Variants in TMEM135 observed in about 807,000 individuals in gnomAD.
TMEM135 encodes the protein peroxisomal membrane protein 52.
TMEM135 carries 30 observed loss-of-function variants against 60.3 expected under a neutral mutation model. That is an observed-to-expected ratio of 0.50 (90% CI 0.37 to 0.68). The LOEUF is 0.68. Among genes scored for constraint, TMEM135 ranks in the 30% least tolerant of loss-of-function variants. TMEM135 has a pLI of 0.00. For missense variants in TMEM135, 468 were observed against 548.8 expected (o/e 0.85, Z 1.47); for synonymous variants, 190 against 186.7 (o/e 1.02, Z -0.14).
chr11:87,058,635 T>G (rs1949916396), intron 1 of TMEM135, among the ~76,000 whole-genome samples: 1 of 152,126 alleles, frequency 6.6e-6, no homozygotes, highest in Admixed American at 6.6e-5. Context: ...TTTTATTTTA[T>G]TTTTGACAGA....
intron 4 of TMEM135, among the ~76,000 whole-genome samples, chr11:87,138,689 A>G (rs900619234): frequency 2.0e-5 from 3 of 152,216 alleles, no homozygotes; most frequent in Admixed American, 6.5e-5. Flanking sequence ...ACTATATAGT[A>G]TGATACATTG....
chr11:87,098,854 A>T (rs1169139065), intron 4 of TMEM135, among the ~76,000 whole-genome samples: 3 of 151,886 alleles, frequency 2.0e-5, no homozygotes, highest in African/African-American at 4.8e-5. Flanking sequence ...ACGCCCGGCT[A>T]ATTTTTTGTA....
intron 5 of TMEM135, among the ~76,000 whole-genome samples, chr11:87,169,546 C>G (rs1591073665): frequency 6.6e-6 from 1 of 151,888 alleles, no homozygotes; most frequent in Admixed American, 6.6e-5. Context: ...GATTTTATTT[C>G]TTTTTCGCTT....
intron 1 of TMEM135, among the ~76,000 whole-genome samples, chr11:87,042,771 C>T (rs369870347): frequency 4.6e-5 from 7 of 151,370 alleles, no homozygotes; most frequent in African/African-American, 9.8e-5. Context: ...TTGTTCTATA[C>T]ATTTGCCCTC....
intron 6 of TMEM135, among the ~76,000 whole-genome samples, chr11:87,250,924 G>T (rs565126973): frequency 6.6e-6 from 1 of 152,284 alleles, no homozygotes; most frequent in Non-Finnish European, 1.5e-5. Context: ...CAGTTATCCA[G>T]CAGAGAAATG....
intron 5 of TMEM135, among the ~76,000 whole-genome samples, chr11:87,177,856 G>A (rs1020400405): frequency 1.3e-5 from 2 of 152,120 alleles, no homozygotes; most frequent in African/African-American, 4.8e-5. Context: ...TAAAATTGGA[G>A]ATTCCCAAAT....
intron 4 of TMEM135, among the ~76,000 whole-genome samples, chr11:87,104,150 G>T: frequency 6.6e-6 from 1 of 152,188 alleles, no homozygotes; most frequent in African/African-American, 2.4e-5. Context: ...TTTGCAAGTA[G>T]ATATCCAGTT....
intron 4 of TMEM135, among the ~76,000 whole-genome samples, chr11:87,120,361 C>T (rs1442635641): frequency 6.6e-6 from 1 of 151,436 alleles, no homozygotes; most frequent in Non-Finnish European, 1.5e-5. Flanking sequence ...TCACTTTGGC[C>T]TCTCAAAACT....
At chr11:87,135,720 AG>A (rs143797336) in intron 4 of TMEM135, among the ~76,000 whole-genome samples, 15,556 of 151,972 alleles carry the variant, frequency 0.1, 819 homozygotes, top group African/African-American at 0.12. Flanking sequence ...TGACTGTTGT[AG>A]GTCCTTTGCA....
intron 1 of TMEM135, among the ~76,000 whole-genome samples, chr11:87,058,574 A>G (rs942744299): frequency 6.6e-6 from 1 of 151,836 alleles, no homozygotes; most frequent in East Asian, 1.9e-4. Flanking sequence ...CAAGTGATCC[A>G]CCCGCCTTGG....
chr11:87,235,400 A>T (rs1940974778), intron 5 of TMEM135, among the ~76,000 whole-genome samples: 1 of 151,740 alleles, frequency 6.6e-6, no homozygotes, highest in South Asian at 2.1e-4. Context: ...ATTGATAACA[A>T]TCCTCTTTTT....
At chr11:87,156,356 T>G (rs1938695231) in intron 4 of TMEM135, among the ~76,000 whole-genome samples, 1 of 152,156 alleles carries the variant, frequency 6.6e-6, no homozygotes, top group African/African-American at 2.4e-5. Flanking sequence ...CCCTTAACGT[T>G]CTATATGAAT....
In TMEM135 at chr11:87,049,919, A is replaced by C. The variant is rs1949826843; in HGVS notation, c.141+11733A>C. Among the ~76,000 whole-genome samples the C allele has an allele frequency of 2.0e-5, 2 of 102,548 alleles. 1 individual carries two copies. The highest frequency in any genetic ancestry group is 3.8e-5 in the Non-Finnish European group (2 of 52,250). The allele number at this position is 102,548 out of a possible 152,430, so 67.3% of individuals were successfully genotyped here. A position where few individuals can be genotyped will look rare whatever the true frequency, so the allele number is the denominator to read the frequency against. ...AAAATTGACCACATAGTTGGAAGTA[A>C]AGCTCTCCTCAGCAAATGTAAAAGA... On this transcript the variant is annotated intron_variant, in intron 1 of 14. Transcript: ENST00000305494.
chr11:87,097,004 T>C (rs868556202), intron 4 of TMEM135, among the ~76,000 whole-genome samples: 7 of 151,622 alleles, frequency 4.6e-5, no homozygotes, highest in Non-Finnish European at 8.8e-5. Context: ...GCCACTCTTT[T>C]TTTTTTTTTC....
rs1565482054 is a variant in TMEM135 at position 87,195,312 on chromosome 11, T to TC, written c.462+37907dup. On this transcript the variant is annotated intron_variant, in intron 5 of 14. Transcript: ENST00000305494. Reference sequence around the variant, plus strand: ...GAAAAAGTCATTTTCTCTTTCTTTCTCTTTCCTTCCTTCCTTCCTTCCTTC... The same window carrying TC: ...GAAAAAGTCATTTTCTCTTTCTTTCTCCTTTCCTTCCTTCCTTCCTTCCTTC... Among the ~76,000 whole-genome samples, 105 of 122,960 alleles carry TC rather than the reference T, an allele frequency of 8.5e-4. 5 individuals carry two copies. The highest frequency in any genetic ancestry group is 2.6e-3 in the African/African-American group (74 of 28,892). The allele number at this position is 122,960 out of a possible 152,430, so 80.7% of individuals were successfully genotyped here.
At chr11:87,289,917 TATA>T in intron 6 of TMEM135, among the ~76,000 whole-genome samples, 1 of 152,296 alleles carries the variant, frequency 6.6e-6, no homozygotes, top group Middle Eastern at 3.4e-3. Flanking sequence ...TTTCACTGAG[TATA>T]ATGTCTTCCA....
chr11:87,141,202 A>G (rs1219312379), intron 4 of TMEM135, among the ~76,000 whole-genome samples: 1 of 151,878 alleles, frequency 6.6e-6, no homozygotes, highest in Non-Finnish European at 1.5e-5. Context: ...ATAATATTAA[A>G]TCTCTGTTTA....
intron 1 of TMEM135, among the ~76,000 whole-genome samples, chr11:87,056,074 A>G (rs539081011): frequency 1.3e-5 from 2 of 152,318 alleles, no homozygotes; most frequent in South Asian, 2.1e-4. Context: ...GCTCTGCTAC[A>G]AGGGTTTGTG....
intron 6 of TMEM135, among the ~76,000 whole-genome samples, chr11:87,289,209 C>G (rs528264479): frequency 2.2e-4 from 33 of 152,146 alleles, no homozygotes; most frequent in African/African-American, 7.5e-4. Flanking sequence ...TGGGAGTATA[C>G]AGTGATGTTT....
Sources: allele counts gnomAD v4.1 joint callset (sites outside exome capture counted in the v4.1 genomes callset), GRCh38; gene constraint gnomAD v4.1.1; transcripts MANE v1.5; gene names NCBI Gene and HGNC (gene_info 2026-07-23, HGNC 2026-07-21).